PDE4D: variants seen among roughly 807,000 people sequenced by gnomAD.
PDE4D encodes 3',5'-cyclic-AMP phosphodiesterase 4D.
In PDE4D, 24 loss-of-function variants were observed where a neutral mutation model predicts 87.4. The ratio of observed to expected loss-of-function variants is 0.27; its 90% CI spans 0.20 to 0.39. The LOEUF is 0.39. Ranked by LOEUF, PDE4D falls within the 10% of genes least tolerant of loss-of-function variation. The pLI is 1.00. For missense variants in PDE4D, 714 were observed against 1,041.0 expected (o/e 0.69, Z 4.32); for synonymous variants, 384 against 383.2 (o/e 1.00, Z -0.02).
chr5:59,852,475 G>A (rs1472318812), intron 1 of PDE4D, among the ~76,000 whole-genome samples: 1 of 151,952 alleles, frequency 6.6e-6, no homozygotes, highest in Non-Finnish European at 1.5e-5. Context: ...AAGAATTGAA[G>A]TCTCCCCCCA....
At chr5:59,434,912 G>C (rs376141566) in intron 1 of PDE4D, among the ~76,000 whole-genome samples, 2 of 152,118 alleles carry the variant, frequency 1.3e-5, no homozygotes, top group Middle Eastern at 3.2e-3. Context: ...ACTGTGGTTG[G>C]CAGGTTGACT....
At chr5:59,797,525 T>C (rs1766629329) in intron 1 of PDE4D, among the ~76,000 whole-genome samples, 1 of 152,212 alleles carries the variant, frequency 6.6e-6, no homozygotes, top group South Asian at 2.1e-4. Flanking sequence ...ATATAAAATA[T>C]ATTTACCCTG....
chr5:60,379,074 T>C (rs1033982097), intron 1 of PDE4D, among the ~76,000 whole-genome samples: 7 of 152,088 alleles, frequency 4.6e-5, no homozygotes, highest in Admixed American at 3.9e-4. Flanking sequence ...CAAAGCCCTA[T>C]TGCATGCCTT....
chr5:60,182,599 T>C (rs1784452315), intron 2 of PDE4D, among the ~76,000 whole-genome samples: 1 of 152,078 alleles, frequency 6.6e-6, no homozygotes, highest in Non-Finnish European at 1.5e-5. Context: ...GGCATTGCAC[T>C]CCAGCGCCGT....
At chr5:59,065,063 TATATACACACACACACAC>T (rs1230043871) in intron 5 of PDE4D, among the ~76,000 whole-genome samples, 1,789 of 109,320 alleles carry the variant, frequency 0.016, 31 homozygotes, top group African/African-American at 0.046. Context: ...ATGTGATATA[TATATACACACACACACAC>T]ACACACACAC....
rs541220903 is a variant in PDE4D, at chr5:59,893,690, A to ATGCTGC, written c.-74_-69dup. The ATGCTGC allele has an allele frequency of 2.2e-6, 3 of 1,387,882 alleles. No homozygotes were observed. The highest frequency in any genetic ancestry group is 6.2e-5 in the East Asian group (2 of 32,422). The allele number at this position is 1,387,882 out of a possible 1,614,324, so 86.0% of individuals were successfully genotyped here. A position where few individuals can be genotyped will look rare whatever the true frequency, so the allele number is the denominator to read the frequency against. On this transcript the variant is annotated 5_prime_UTR_variant, in exon 1 of 15. Coordinates refer to ENST00000340635, the MANE Select transcript of PDE4D (RefSeq NM_001104631.2). ...CCGCGCTGGCCCGAGCGCCTTCCTG[A>ATGCTGC]TGCTGCTGCTGCTGCTGCCGCCGCC...
At chr5:59,800,148 A>G (rs977126153) in intron 1 of PDE4D, among the ~76,000 whole-genome samples, 1 of 152,210 alleles carries the variant, frequency 6.6e-6, no homozygotes, top group Non-Finnish European at 1.5e-5. Context: ...CAGAGTTTTT[A>G]TCGTGTGCCT....
At chr5:59,020,341 C>T (rs1420356952) in intron 6 of PDE4D, among the ~76,000 whole-genome samples, 1 of 152,004 alleles carries the variant, frequency 6.6e-6, no homozygotes, top group East Asian at 1.9e-4. Flanking sequence ...TGGGCGTGGT[C>T]ATGCACCTGT....
intron 1 of PDE4D, among the ~76,000 whole-genome samples, chr5:59,388,320 C>T (rs550021874): frequency 6.6e-6 from 1 of 152,006 alleles, no homozygotes; most frequent in African/African-American, 2.4e-5. Flanking sequence ...TCAACTCATA[C>T]CTGTTAGTAC....
At chr5:59,663,785 G>A (rs1188787433) in intron 1 of PDE4D, among the ~76,000 whole-genome samples, 1 of 151,990 alleles carries the variant, frequency 6.6e-6, no homozygotes, top group Non-Finnish European at 1.5e-5. Context: ...TAACTGCTGT[G>A]GAGACAGAAA....
chr5:59,185,354 T>C (rs1742661032), intron 3 of PDE4D, 92 bp from the exon 4 acceptor site: 1 of 866,484 alleles, frequency 1.2e-6, no homozygotes, highest in African/African-American at 1.7e-5. Context: ...TTGATATTGC[T>C]TGCAACTTAG....
At chr5:60,452,000 T>C (rs1476140258) in intron 1 of PDE4D, among the ~76,000 whole-genome samples, 1 of 152,126 alleles carries the variant, frequency 6.6e-6, no homozygotes, top group Non-Finnish European at 1.5e-5. Context: ...GACCAAATAG[T>C]TTTTCTCAAT....
At chr5:60,048,194 C>CT (rs976178995) in intron 2 of PDE4D, among the ~76,000 whole-genome samples, 2 of 151,258 alleles carry the variant, frequency 1.3e-5, no homozygotes, top group Non-Finnish European at 3.0e-5. Flanking sequence ...CAACCCCTGC[C>CT]TTTTTTTGTT....
At chr5:59,078,279 CTAAAA>C (rs1766060434) in intron 5 of PDE4D, among the ~76,000 whole-genome samples, 1 of 152,086 alleles carries the variant, frequency 6.6e-6, no homozygotes, top group South Asian at 2.1e-4. Flanking sequence ...TTTATACGTA[CTAAAA>C]TAAAATAATC....
intron 3 of PDE4D, among the ~76,000 whole-genome samples, chr5:59,974,860 C>T (rs1761142316): frequency 6.6e-6 from 1 of 152,216 alleles, no homozygotes; most frequent in Middle Eastern, 3.4e-3. Flanking sequence ...TTCTCTGGAT[C>T]CCTTTTCCCA....
chr5:59,971,020 T>C lies in PDE4D; in HGVS notation c.272+17468A>G, dbSNP rs1760684104. ...GGCACATATACACCATGGAATACTATGTGGCCATAAAAAATGATGAGGTCA... is the reference window on the plus strand; with the variant it reads ...GGCACATATACACCATGGAATACTACGTGGCCATAAAAAATGATGAGGTCA... On this transcript the variant is annotated intron_variant, in intron 3 of 16. Coordinates refer to the PDE4D transcript ENST00000502484. 1.3e-5 allele frequency among the ~76,000 whole-genome samples: 2 copies of C among 151,972 alleles called. 1 individual carries two copies. The highest frequency in any genetic ancestry group is 4.2e-4 in the South Asian group (2 of 4,818).
At chr5:59,476,980 AAT>A (rs1289846458) in intron 1 of PDE4D, among the ~76,000 whole-genome samples, 1 of 152,050 alleles carries the variant, frequency 6.6e-6, no homozygotes, top group African/African-American at 2.4e-5. Context: ...ATCCAGAGAT[AAT>A]AGTAACACAT....
At chr5:59,066,057 T>C (rs1005346271) in intron 5 of PDE4D, among the ~76,000 whole-genome samples, 5 of 152,178 alleles carry the variant, frequency 3.3e-5, no homozygotes, top group African/African-American at 1.2e-4. Context: ...CTAAAAAAAA[T>C]GTACCTTATT....
intron 5 of PDE4D, among the ~76,000 whole-genome samples, chr5:59,080,943 TGGA>T (rs1337152982): frequency 6.6e-6 from 1 of 152,208 alleles, no homozygotes; most frequent in African/African-American, 2.4e-5. Context: ...TCAGCCATTG[TGGA>T]GGAGAATTTT....
Sources: gnomAD v4.1 joint callset for allele counts (sites outside exome capture counted in the v4.1 genomes callset) on GRCh38, gnomAD v4.1.1 for gene constraint, MANE v1.5 for transcripts, NCBI Gene and HGNC (gene_info 2026-07-23, HGNC 2026-07-21) for gene names.